The following TANGO6 variants were observed in gnomAD, a reference collection of about 807,000 sequenced individuals.
TANGO6 encodes transport and Golgi organization protein 6 homolog.
A neutral mutation model predicts 114.2 loss-of-function variants in TANGO6; 90 were observed. That is an observed-to-expected ratio of 0.79 (90% CI 0.66 to 0.94). The LOEUF (loss-of-function observed/expected upper bound fraction) is 0.94. TANGO6 is among the 40% of genes least tolerant of loss of function. TANGO6 has a pLI of 0.00. For missense variants in TANGO6, 1,274 were observed against 1,315.3 expected, an observed-to-expected ratio of 0.97 and a Z score of 0.49; for synonymous variants, 477 against 509.8, an observed-to-expected ratio of 0.94 and a Z score of 0.87.
At chr16:68,950,953 G>T (rs752075239) in intron 14 of TANGO6, among the ~76,000 whole-genome samples, 6 of 152,034 alleles carry the variant, frequency 3.9e-5, no homozygotes, top group Non-Finnish European at 8.8e-5. Context: ...ATGAAAGATG[G>T]GTGGGCAGGA....
intron 17 of TANGO6, among the ~76,000 whole-genome samples, chr16:69,044,505 A>C (rs1348781888): frequency 6.6e-6 from 1 of 152,016 alleles, no homozygotes; most frequent in Non-Finnish European, 1.5e-5. Flanking sequence ...GCTTGTTTTA[A>C]CCTAGGGACA....
intron 9 of TANGO6, among the ~76,000 whole-genome samples, chr16:68,905,323 G>T (rs1962835847): frequency 6.6e-6 from 1 of 151,984 alleles, no homozygotes; most frequent in Non-Finnish European, 1.5e-5. Flanking sequence ...GGATCACGAG[G>T]TCAGGAGTTT....
At chr16:68,913,670 A>G (rs1169310184) in intron 11 of TANGO6, among the ~76,000 whole-genome samples, 1 of 151,868 alleles carries the variant, frequency 6.6e-6, no homozygotes, top group African/African-American at 2.4e-5. Context: ...TGGCCTCCCA[A>G]AGTGCTGGGA....
chr16:68,994,017 C>T (rs995216841), intron 15 of TANGO6, among the ~76,000 whole-genome samples: 2 of 152,196 alleles, frequency 1.3e-5, no homozygotes, highest in African/African-American at 4.8e-5. Context: ...AGATTTTCCT[C>T]ATAGGGTAAC....
chr16:69,006,136 GC>G (rs949330341), intron 15 of TANGO6, among the ~76,000 whole-genome samples: 7 of 152,282 alleles, frequency 4.6e-5, no homozygotes, highest in African/African-American at 1.7e-4. Flanking sequence ...CCTGGGTTCT[GC>G]TTGGCTGGTG....
intron 14 of TANGO6, 41 bp from the exon 15 acceptor site, chr16:68,973,987 G>C (rs748813602): frequency 6.4e-7 from 1 of 1,563,626 alleles, no homozygotes; most frequent in Non-Finnish European, 8.7e-7. Flanking sequence ...CCTTTTGATC[G>C]TAAACAGTAA....
At chr16:69,028,649 T>TA (rs1042052161) in intron 16 of TANGO6, among the ~76,000 whole-genome samples, 4 of 149,830 alleles carry the variant, frequency 2.7e-5, no homozygotes, top group Non-Finnish European at 4.4e-5. Context: ...AACTAAAAAT[T>TA]AAAAAAAAAT....
At chr16:68,993,840 A>G (rs1423454171) in intron 15 of TANGO6, among the ~76,000 whole-genome samples, 1 of 152,206 alleles carries the variant, frequency 6.6e-6, no homozygotes, top group African/African-American at 2.4e-5. Context: ...AAAATAAGTT[A>G]CCACAAACCT....
intron 16 of TANGO6, among the ~76,000 whole-genome samples, chr16:69,039,332 A>G (rs1959738711): frequency 6.6e-6 from 1 of 151,646 alleles, no homozygotes; most frequent in South Asian, 2.1e-4. Flanking sequence ...CGTCTCAAAA[A>G]AAAAAAAAAA....
intron 15 of TANGO6, among the ~76,000 whole-genome samples, chr16:68,993,402 A>C (rs1439020574): frequency 6.6e-6 from 1 of 152,262 alleles, no homozygotes; most frequent in African/African-American, 2.4e-5. Context: ...AGAATAATGA[A>C]GCACCTGATT....
In TANGO6 at chr16:68,878,275, C is replaced by A. The variant is rs773781478; in HGVS notation, c.1289C>A (p.Thr430Lys). ...GCTCCTCTTCATCGATGTTTGAATA[C>A]AGCAGGTAAAGGAGGAAGTGTGGTG... ...VLAPLHRCLN[T>K]AELSESDMVP... is the part of the protein sequence containing the mutation. Residue 430 changes from threonine to lysine, a missense_variant, in exon 6 of 18, where the codon ACA becomes AAA. Transcript: ENST00000261778. 2 of 1,601,218 alleles carry A rather than the reference C, an allele frequency of 1.2e-6. No individual in the cohort carries two copies. The highest frequency in any genetic ancestry group is 3.5e-5 in the Admixed American group (2 of 57,790).
At chr16:69,001,289 C>T (rs1964040140) in intron 15 of TANGO6, among the ~76,000 whole-genome samples, 1 of 152,100 alleles carries the variant, frequency 6.6e-6, no homozygotes, top group Non-Finnish European at 1.5e-5. Context: ...TACCAAAAGT[C>T]ATAGAAATAG....
chr16:68,877,138 G>A (rs1355078871), intron 5 of TANGO6, among the ~76,000 whole-genome samples: 1 of 152,108 alleles, frequency 6.6e-6, no homozygotes, highest in Non-Finnish European at 1.5e-5. Context: ...CCCACACAAT[G>A]TGTTACAAAC....
intron 14 of TANGO6, among the ~76,000 whole-genome samples, chr16:68,949,597 G>A (rs1377881916): frequency 6.6e-6 from 1 of 151,790 alleles, no homozygotes; most frequent in Non-Finnish European, 1.5e-5. Context: ...CTTTAGCTTG[G>A]GAGATGAGCG....
chr16:69,040,454 C>T (rs1196707612), intron 17 of TANGO6, 33 bp downstream of exon 17: 1 of 1,517,570 alleles, frequency 6.6e-7, no homozygotes, highest in African/African-American at 1.4e-5. Context: ...GCAATTTCTC[C>T]ACCTCTTTTA....
At chr16:68,972,681 A>G (rs1460675243) in intron 14 of TANGO6, among the ~76,000 whole-genome samples, 1 of 152,220 alleles carries the variant, frequency 6.6e-6, no homozygotes, top group Non-Finnish European at 1.5e-5. Context: ...TGACTTTATT[A>G]TAGAGTTCAC....
At chr16:69,064,396 T>C (rs990084126) in intron 17 of TANGO6, among the ~76,000 whole-genome samples, 2 of 152,142 alleles carry the variant, frequency 1.3e-5, no homozygotes, top group African/African-American at 4.8e-5. Context: ...TGAGGCTGTG[T>C]GATCAGAGCA....
At chr16:68,864,363 C>T (rs980266156) in intron 3 of TANGO6, among the ~76,000 whole-genome samples, 5 of 151,944 alleles carry the variant, frequency 3.3e-5, no homozygotes, top group African/African-American at 1.2e-4. Flanking sequence ...CACTTGAGGT[C>T]AGGAGTTTGA....
At chr16:69,018,306 G>T (rs1959340342) in intron 15 of TANGO6, among the ~76,000 whole-genome samples, 2 of 151,098 alleles carry the variant, frequency 1.3e-5, no homozygotes, top group Non-Finnish European at 2.9e-5. Flanking sequence ...ACCACGCCTG[G>T]CTAATTTTCT....
Sources: allele counts gnomAD v4.1 joint callset (sites outside exome capture counted in the v4.1 genomes callset), GRCh38; gene constraint gnomAD v4.1.1; transcripts MANE v1.5; gene names NCBI Gene and HGNC (gene_info 2026-07-23, HGNC 2026-07-21).